TEF: variants seen among roughly 807,000 people sequenced by gnomAD.
TEF encodes thyrotroph embryonic factor.
TEF carries 3 observed loss-of-function variants against 20.8 expected under a neutral mutation model. The ratio of observed to expected loss-of-function variants is 0.14; its 90% CI spans 0.07 to 0.37. TEF has a LOEUF of 0.37. Among genes scored for constraint, TEF ranks in the 10% least tolerant of loss-of-function variants. The pLI, the probability that TEF is intolerant of heterozygous loss-of-function variation, is 1.00. For synonymous variants in TEF, 180 were observed against 171.1 expected (o/e 1.05, Z -0.41); for missense variants, 296 against 397.9 (o/e 0.74, Z 2.18).
Position 41,398,196 on chromosome 22 carries a change from T to A in TEF, c.*2236T>A, listed in dbSNP as rs2037253219. On this transcript the variant is annotated 3_prime_UTR_variant, in exon 4 of 4. Transcript: ENST00000266304. ...AGGCTGACCTGTGGGGGAAAAGAAG[T>A]GCTCAGGTAAGGTTGTCTCCTCTCC... 1 of 152,628 alleles carries A rather than the reference T, an allele frequency of 6.6e-6. No homozygotes were observed. Among genetic ancestry groups the A allele is most frequent in the Non-Finnish European group, 1.5e-5 (1 of 68,022 alleles). The allele number at this position is 152,628 out of a possible 1,614,324, so 9.5% of individuals were successfully genotyped here. A position where few individuals can be genotyped will look rare whatever the true frequency, so the allele number is the denominator to read the frequency against.
chr22:41,392,694 A>AAAAT (rs1394197723), intron 2 of TEF, among the ~76,000 whole-genome samples: 3 of 144,756 alleles, frequency 2.1e-5, no homozygotes, highest in Non-Finnish European at 4.6e-5. Context: ...AAAAAAAAAA[A>AAAAT]GACTAAGTGA....
intron 2 of TEF, among the ~76,000 whole-genome samples, chr22:41,389,635 G>GTT (rs770938186): frequency 7.6e-5 from 11 of 144,078 alleles, no homozygotes; most frequent in Non-Finnish European, 1.2e-4. Context: ...ATAAATAAAA[G>GTT]TTTTTTTTTT....
intron 2 of TEF, among the ~76,000 whole-genome samples, chr22:41,393,008 C>T (rs979380745): frequency 2.0e-5 from 3 of 151,622 alleles, no homozygotes; most frequent in African/African-American, 7.3e-5. Flanking sequence ...GCACTCTACC[C>T]TGAGTGACAG....
intron 2 of TEF, among the ~76,000 whole-genome samples, chr22:41,388,655 C>T (rs1159942343): frequency 6.6e-6 from 1 of 151,846 alleles, no homozygotes; most frequent in Non-Finnish European, 1.5e-5. Context: ...CCTTATTCCT[C>T]CTCCTTTTAC....
chr22:41,390,622 C>T (rs1031284111), intron 2 of TEF, among the ~76,000 whole-genome samples: 1 of 151,022 alleles, frequency 6.6e-6, no homozygotes, highest in African/African-American at 2.4e-5. Context: ...CCTCAGCCTC[C>T]TGAGTAGCTG....
chr22:41,390,185 T>G (rs2037148835), intron 2 of TEF, among the ~76,000 whole-genome samples: 1 of 152,142 alleles, frequency 6.6e-6, no homozygotes, highest in South Asian at 2.1e-4. Flanking sequence ...CCACTGTGCC[T>G]GGCCCATCTA....
chr22:41,395,144 T>C (rs530958684), intron 3 of TEF, among the ~76,000 whole-genome samples: 15 of 152,162 alleles, frequency 9.9e-5, no homozygotes, highest in Admixed American at 3.3e-4. Flanking sequence ...GTAGCTGAGA[T>C]TACAGATGTG....
chr22:41,370,120 CTTT>C (rs762993542), intron 1 of TEF: 20 of 792,682 alleles, frequency 2.5e-5, no homozygotes, highest in Non-Finnish European at 2.9e-5. Flanking sequence ...CTCTTTCCCC[CTTT>C]TTTTTTTTTG....
chr22:41,384,788 C>G (rs555869927), intron 1 of TEF, among the ~76,000 whole-genome samples: 1 of 152,034 alleles, frequency 6.6e-6, no homozygotes, highest in Non-Finnish European at 1.5e-5. Flanking sequence ...CTTTCGCCCT[C>G]GTTGTCCAGG....
At chr22:41,369,944 G>T in intron 1 of TEF, 1 of 985,358 alleles carries the variant, frequency 1.0e-6, no homozygotes, top group African/African-American at 1.7e-5. Flanking sequence ...TCTTTCTCCT[G>T]CCCAATGGCT....
In TEF at chr22:41,395,839, G is replaced by T; in HGVS notation, c.791G>T (p.Arg264Leu). Residue 264 changes from arginine to leucine, a missense_variant, in exon 4 of 4, where the codon CGG (arginine) becomes CTG (leucine). Transcript: ENST00000266304. ...CTGAAAGAGAATCAGATCACCATCC[G>T]GGCAGCCTTCCTGGAGAAGGAGAAC... is the stretch of plus-strand genomic sequence containing the variant. Reference protein sequence around the residue: ...RRLKENQITIRAAFLEKENTA... With the variant: ...RRLKENQITILAAFLEKENTA... 1 of 1,614,200 alleles carries T rather than the reference G, an allele frequency of 6.2e-7. No homozygotes were observed. The highest frequency in any genetic ancestry group is 8.5e-7 in the Non-Finnish European group (1 of 1,180,034).
At chr22:41,375,516 C>A (rs919909139) in intron 1 of TEF, among the ~76,000 whole-genome samples, 1 of 152,038 alleles carries the variant, frequency 6.6e-6, no homozygotes. Flanking sequence ...TTTGGGAGGC[C>A]GAGGCGGGCG....
chr22:41,380,288 G>A (rs2037000483), upstream of TEF, among the ~76,000 whole-genome samples: 1 of 152,198 alleles, frequency 6.6e-6, no homozygotes, highest in East Asian at 1.9e-4. Context: ...CAGTACCTGG[G>A]ATTACAGGCG....
upstream of TEF, among the ~76,000 whole-genome samples, chr22:41,380,947 A>G (rs2037009393): frequency 6.6e-6 from 1 of 152,194 alleles, no homozygotes; most frequent in African/African-American, 2.4e-5. Context: ...CTCTAGCCCA[A>G]CCTCTTAATT....
rs2037033328 is a variant in TEF, at chr22:41,382,034, T to C, written c.-11T>C. The C allele has an allele frequency of 2.4e-6, 3 of 1,229,626 alleles. No homozygotes were observed. The highest frequency in any genetic ancestry group is 3.0e-6 in the Non-Finnish European group (3 of 986,988). 76.2% of individuals were successfully genotyped at this position (1,229,626 alleles called of 1,614,324 possible). ...GGGGAGGCGAGGTGCGCGAGCCGAGTCCGGGGCACGATGTCCGACGCGGGC... is the reference window on the plus strand; with the variant it reads ...GGGGAGGCGAGGTGCGCGAGCCGAGCCCGGGGCACGATGTCCGACGCGGGC... On this transcript the variant is annotated 5_prime_UTR_variant, in exon 1 of 4. Coordinates refer to ENST00000266304, the MANE Select transcript of TEF (RefSeq NM_003216.4).
chr22:41,368,016 C>T (rs1355064902), intron 1 of TEF, among the ~76,000 whole-genome samples: 1 of 152,134 alleles, frequency 6.6e-6, no homozygotes, highest in African/African-American at 2.4e-5. Flanking sequence ...AGAGGCTTTC[C>T]TTGGTGCGCC....
chr22:41,382,282 G>T (rs2037040650), intron 1 of TEF, 81 bp downstream of exon 1: 26 of 1,127,364 alleles, frequency 2.3e-5, no homozygotes, highest in Non-Finnish European at 2.9e-5. Flanking sequence ...GGGCCGGGGA[G>T]GCAGTGGGTC....
chr22:41,382,006 GC>G lies in TEF; in HGVS notation c.-38del, dbSNP rs1481742927. 4 of 1,229,786 alleles carry G rather than the reference GC, an allele frequency of 3.3e-6. No homozygotes were observed. In the African/African-American group the frequency reaches 6.2e-5, roughly 19 times the overall value. The allele number at this position is 1,229,786 out of a possible 1,614,324, so 76.2% of individuals were successfully genotyped here. ...GGCTCCGGCCCATCTCGGGGGGCGG[GC>G]GGGGGAGGCGAGGTGCGCGAGCCGA... On this transcript the variant is annotated 5_prime_UTR_variant, in exon 1 of 4. Transcript: ENST00000266304.
intron 2 of TEF, among the ~76,000 whole-genome samples, chr22:41,388,453 C>T (rs2145984775): frequency 6.6e-6 from 1 of 152,086 alleles, no homozygotes; most frequent in South Asian, 2.1e-4. Context: ...AACTCCTGAC[C>T]TCAGGTGATC....
Sources: gnomAD v4.1 joint callset for allele counts (sites outside exome capture counted in the v4.1 genomes callset) on GRCh38, gnomAD v4.1.1 for gene constraint, MANE v1.5 for transcripts, NCBI Gene and HGNC (gene_info 2026-07-23, HGNC 2026-07-21) for gene names.